PSMD3: variants seen among roughly 807,000 people sequenced by gnomAD.
The protein encoded by PSMD3 is 26S proteasome non-ATPase regulatory subunit 3.
Under a neutral mutation model 62.8 loss-of-function variants are expected in PSMD3, and 5 were observed. The ratio of observed to expected loss-of-function variants is 0.08; its 90% CI spans 0.04 to 0.17. The LOEUF (loss-of-function observed/expected upper bound fraction) is 0.17. Among genes scored for constraint, PSMD3 ranks in the 10% least tolerant of loss-of-function variants. The pLI, the probability that PSMD3 is intolerant of heterozygous loss-of-function variation, is 1.00. For synonymous variants in PSMD3, 265 were observed against 283.9 expected, an observed-to-expected ratio of 0.93 and a Z score of 0.67; for missense variants, 524 against 713.6, an observed-to-expected ratio of 0.73 and a Z score of 3.03.
intron 6 of PSMD3, among the ~76,000 whole-genome samples, chr17:39,992,186 A>C (rs1008720954): frequency 2.6e-5 from 4 of 152,214 alleles, no homozygotes; most frequent in Non-Finnish European, 5.9e-5. Flanking sequence ...TAAAAATACT[A>C]GTAATTAACA....
rs768760272 is a variant in PSMD3, at chr17:39,995,845, G to A, written c.1320+318G>A. 1.7e-5 allele frequency: 8 copies of A among 482,216 alleles called. No homozygotes were observed. Among genetic ancestry groups the A allele is most frequent in the African/African-American group, 5.9e-5 (3 of 51,060 alleles). 29.9% of individuals were successfully genotyped at this position (482,216 alleles called of 1,614,324 possible). A position where few individuals can be genotyped will look rare whatever the true frequency, so the allele number is the denominator to read the frequency against. ...AGAAGATGGGCGTGCTGGGCCAGGC[G>A]CAGTGGCTCATGCCTGTAATCCCAG... On this transcript the variant is annotated intron_variant, in intron 9 of 11. Coordinates refer to ENST00000264639, the MANE Select transcript of PSMD3 (RefSeq NM_002809.4). The surrounding 1 kb of genome is among the most constrained non-coding windows in gnomAD (Gnocchi z 4.1).
chr17:39,984,514 C>G, intron 2 of PSMD3, 30 bp downstream of exon 2: 1 of 1,550,178 alleles, frequency 6.5e-7, no homozygotes. Context: ...TTAAAGGGTG[C>G]AGGCCTGGCC....
chr17:39,994,940 G>C lies in PSMD3; in HGVS notation c.982-14G>C. ...GGCTCCCTGCCCACTGTGTTCCCCT[G>C]TCACTCTGTCCAGGTGCACAAGCTT... On this transcript the variant is annotated splice_polypyrimidine_tract_variant and intron_variant, in intron 6 of 11. Coordinates refer to ENST00000264639, the MANE Select transcript of PSMD3 (RefSeq NM_002809.4). The C allele has an allele frequency of 6.2e-7, 1 of 1,612,708 alleles. No individual in the cohort carries two copies. The highest frequency in any genetic ancestry group is 1.7e-5 in the Admixed American group (1 of 60,012).
chr17:39,984,382 C>T lies in PSMD3; in HGVS notation c.309C>T (p.Ser103=). 6.2e-7 allele frequency: 1 copy of T among 1,613,768 alleles called. No homozygotes were observed. Among genetic ancestry groups the T allele is most frequent in the Non-Finnish European group, 8.5e-7 (1 of 1,180,004 alleles). ...FVLRALRMLP[S]TSRRLNHYVL... is the part of the protein sequence containing the mutation. ...TGCGGGCCCTGCGGATGCTGCCTTC[C>T]ACATCACGCCGCCTCAACCACTATG... The change falls in exon 2 of 12, where the codon TCC becomes TCT. Residue 103 remains serine, a synonymous_variant. Transcript: ENST00000264639.
At position 39,984,195 on chromosome 17, in the gene PSMD3, G is replaced by A. The variant is rs533011505; in HGVS notation, c.221-99G>A. The A allele has an allele frequency of 1.4e-3, 1,192 of 847,160 alleles. 39 individuals carry two copies. The East Asian group carries it at 0.027, about 19-fold the overall frequency. 52.5% of individuals were successfully genotyped at this position (847,160 alleles called of 1,614,324 possible). A position where few individuals can be genotyped will look rare whatever the true frequency, so the allele number is the denominator to read the frequency against. On this transcript the variant is annotated intron_variant, in intron 1 of 11. Coordinates refer to ENST00000264639, the MANE Select transcript of PSMD3 (RefSeq NM_002809.4). ...GGCCTGGGCGACAGAGTGAGACTCC[G>A]TCTCAAAAAAAAAAAAAAAAAAAAA...
In PSMD3 at chr17:39,997,571, G is replaced by C; in HGVS notation, c.1595G>C (p.Ser532Thr). The C allele has an allele frequency of 6.2e-7, 1 of 1,614,112 alleles. No homozygotes were observed. The highest frequency in any genetic ancestry group is 8.5e-7 in the Non-Finnish European group (1 of 1,179,950). The stretch of plus-strand genomic sequence containing the variant: ...GAGATGGCAGAAGATGATGATGACA[G>C]CTTCCCTTGAGCTGGGGGGCTGGGG... ...AKEMAEDDDD[S>T]FP Residue 532 changes from serine to threonine, a missense_variant, in exon 12 of 12, where the codon AGC becomes ACC. Ser to Thr is a moderately conservative substitution (Grantham distance 58). Transcript: ENST00000264639.
chr17:39,997,283 C>G, intron 10 of PSMD3, 47 bp from the exon 11 acceptor site: 1 of 1,594,558 alleles, frequency 6.3e-7, no homozygotes, highest in Non-Finnish European at 8.6e-7. Flanking sequence ...GTGAGTGCCT[C>G]ACCTGCTTCC....
chr17:39,988,597 G>C (rs1980580843), intron 3 of PSMD3, 86 bp from the exon 4 acceptor site: 2 of 1,473,034 alleles, frequency 1.4e-6, no homozygotes, highest in Admixed American at 3.9e-5. Flanking sequence ...TGCATACCTA[G>C]GATAGGAATT....
intron 6 of PSMD3, chr17:39,993,580 G>T (rs1259354763): frequency 6.6e-6 from 1 of 152,334 alleles, no homozygotes; most frequent in South Asian, 2.1e-4. Flanking sequence ...TTGGTCGTCT[G>T]TTGAATTGTC....
chr17:39,984,638 A>G (rs1980477830), intron 2 of PSMD3, among the ~76,000 whole-genome samples, 154 bp downstream of exon 2: 1 of 152,134 alleles, frequency 6.6e-6, no homozygotes, highest in South Asian at 2.1e-4. Context: ...GCACAGTGAC[A>G]AGGGAACCGT....
chr17:39,989,258 C>G lies in PSMD3; in HGVS notation c.686+439C>G, dbSNP rs146627072. Among the ~76,000 whole-genome samples, 9 of 152,342 alleles carry G rather than the reference C, an allele frequency of 5.9e-5. 1 individual carries two copies. The East Asian group carries it at 1.5e-3, about 26-fold the overall frequency. ...CTGCTCCTCAGCCCCACTGGCCTGC[C>G]TTTCCTCTGGTGTGCCCGGCACACT... On this transcript the variant is annotated intron_variant, in intron 4 of 11. Transcript: ENST00000264639.
In PSMD3 at chr17:39,984,278, C is replaced by T. The variant is rs1568135957; in HGVS notation, c.221-16C>T. 1.3e-6 allele frequency: 2 copies of T among 1,549,770 alleles called. No homozygotes were observed. The highest frequency in any genetic ancestry group is 1.1e-5 in the South Asian group (1 of 89,484). On this transcript the variant is annotated splice_polypyrimidine_tract_variant and intron_variant, in intron 1 of 11. Coordinates refer to ENST00000264639, the MANE Select transcript of PSMD3 (RefSeq NM_002809.4). ...GGAGTGAAAGTGACATCATTTTCTT[C>T]TCTGCTCTTCTTCAGACATCAAGGA... is the stretch of plus-strand genomic sequence containing the variant.
At chr17:39,989,476 C>T (rs1292285777) in intron 4 of PSMD3, among the ~76,000 whole-genome samples, 1 of 152,242 alleles carries the variant, frequency 6.6e-6, no homozygotes, top group East Asian at 1.9e-4. Flanking sequence ...CTCCCATCTT[C>T]TGTCACACTG....
intron 2 of PSMD3, among the ~76,000 whole-genome samples, chr17:39,985,246 A>C (rs75104187): frequency 0.019 from 2,933 of 152,044 alleles, 114 homozygotes; most frequent in African/African-American, 0.067. Context: ...AACAAAAAAA[A>C]CCCCACAGAT....
Position 39,995,969 on chromosome 17 carries a change from A to G in PSMD3, c.1321-214A>G, listed in dbSNP as rs1267542812. On this transcript the variant is annotated intron_variant, in intron 9 of 11. Coordinates refer to ENST00000264639, the MANE Select transcript of PSMD3 (RefSeq NM_002809.4). This position sits in a 1 kb window ranked among gnomAD's most constrained non-coding sequence, Gnocchi z 4.1. ...CCCCATCTCTACTGAAAATACAAAA[A>G]TTAGCCAGGCCTGGTGGCAGGTTCC... 5.1e-6 allele frequency: 3 copies of G among 584,286 alleles called. No homozygotes were observed. In the African/African-American group the frequency reaches 5.6e-5, roughly 11 times the overall value. 36.2% of individuals were successfully genotyped at this position (584,286 alleles called of 1,614,324 possible).
At position 39,995,789 on chromosome 17, in the gene PSMD3, G is replaced by T. The variant is rs1359301707; in HGVS notation, c.1320+262G>T. 2 of 529,478 alleles carry T rather than the reference G, an allele frequency of 3.8e-6. No individual in the cohort carries two copies. Among genetic ancestry groups the T allele is most frequent in the Non-Finnish European group, 6.8e-6 (2 of 292,804 alleles). The allele number at this position is 529,478 out of a possible 1,614,324, so 32.8% of individuals were successfully genotyped here. A position where few individuals can be genotyped will look rare whatever the true frequency, so the allele number is the denominator to read the frequency against. On this transcript the variant is annotated intron_variant, in intron 9 of 11. Coordinates refer to ENST00000264639, the MANE Select transcript of PSMD3 (RefSeq NM_002809.4). The surrounding 1 kb of genome is among the most constrained non-coding windows in gnomAD (Gnocchi z 4.1). ...GTGTGAGAATATAAGGAGGGCAGAGGAATGGGATGGAACAAGATGTTCTCT... is the reference window on the plus strand; with the variant it reads ...GTGTGAGAATATAAGGAGGGCAGAGTAATGGGATGGAACAAGATGTTCTCT...
chr17:39,988,614 T>C (rs1980581197), intron 3 of PSMD3, 69 bp from the exon 4 acceptor site: 2 of 1,562,348 alleles, frequency 1.3e-6, no homozygotes, highest in Non-Finnish European at 1.7e-6. Flanking sequence ...AATTGCTGGC[T>C]CAAATGACAA....
At chr17:39,991,128 C>T (rs1980645580) in intron 6 of PSMD3, among the ~76,000 whole-genome samples, 1 of 152,048 alleles carries the variant, frequency 6.6e-6, no homozygotes, top group African/African-American at 2.4e-5. Flanking sequence ...GCGCCTGCCA[C>T]CACATCCAAC....
At position 39,996,854 on chromosome 17, in the gene PSMD3, T is replaced by G; in HGVS notation, c.1477-476T>G. On this transcript the variant is annotated intron_variant, in intron 10 of 11. Transcript: ENST00000264639. The surrounding 1 kb of genome is among the most constrained non-coding windows in gnomAD (Gnocchi z 5.1). ...CGCTGTTACTATTTGCTTGCCATGT[T>G]TTTTTCTGGTCTCCTCCGAGGAAAC... 4 of 449,738 alleles carry G rather than the reference T, an allele frequency of 8.9e-6. No individual in the cohort carries two copies. Among genetic ancestry groups the G allele is most frequent in the Non-Finnish European group, 1.8e-5 (4 of 225,292 alleles). The allele number at this position is 449,738 out of a possible 1,614,324, so 27.9% of individuals were successfully genotyped here. A position where few individuals can be genotyped will look rare whatever the true frequency, so the allele number is the denominator to read the frequency against.
Sources: gnomAD v4.1 joint callset for allele counts (sites outside exome capture counted in the v4.1 genomes callset) on GRCh38, gnomAD v4.1.1 for gene constraint, Gnocchi (gnomAD v3.1) non-coding constraint, MANE v1.5 for transcripts, NCBI Gene and HGNC (gene_info 2026-07-23, HGNC 2026-07-21) for gene names.